Variants in GRIA4 observed in about 807,000 individuals in gnomAD.
GRIA4 encodes the protein glutamate receptor 4.
Under a neutral mutation model 104.0 loss-of-function variants are expected in GRIA4, and 34 were observed. The observed-to-expected ratio is 0.33, with a 90% CI of 0.25 to 0.44. The LOEUF is 0.44. Among genes scored for constraint, GRIA4 ranks in the 20% least tolerant of loss-of-function variants. GRIA4 has a pLI of 1.00. For synonymous variants in GRIA4, 386 were observed against 381.9 expected, an observed-to-expected ratio of 1.01 and a Z score of -0.13; for missense variants, 750 against 1,096.5, an observed-to-expected ratio of 0.68 and a Z score of 4.46.
At position 105,946,058 on chromosome 11, in the gene GRIA4, A is replaced by T. The variant is rs184666094; in HGVS notation, c.2294+12089A>T. ...GTGAGATTTTTAAGGTGCCATAGGA[A>T]AACTGTGGTTAGAAAAATAGGAGGA... On this transcript the variant is annotated intron_variant, in intron 14 of 16. Transcript: ENST00000282499. Among the ~76,000 whole-genome samples the T allele has an allele frequency of 4.7e-3, 715 of 152,286 alleles. 15 individuals are homozygous for T. The highest frequency in any genetic ancestry group is 3.8e-3 in the Non-Finnish European group (261 of 68,024).
intron 3 of GRIA4, among the ~76,000 whole-genome samples, chr11:105,640,603 T>C (rs1951331744): frequency 6.6e-6 from 1 of 151,952 alleles, no homozygotes; most frequent in South Asian, 2.1e-4. Context: ...TAATTCATGT[T>C]TTAAATGTTT....
chr11:105,679,085 G>A (rs967672660), intron 3 of GRIA4, among the ~76,000 whole-genome samples: 3 of 152,130 alleles, frequency 2.0e-5, no homozygotes, highest in South Asian at 2.1e-4. Context: ...CAGTTATAGC[G>A]GAAAACAAGT....
chr11:105,696,267 C>T lies in GRIA4; in HGVS notation c.248-56714C>T, dbSNP rs116781612. ...TGGCTCACACAGTGGCCCAGGTGTG[C>T]CCTTAAAGTAGGACTTCTCAGTCTG... On this transcript the variant is annotated intron_variant, in intron 3 of 16. Transcript: ENST00000282499. 5.8e-3 allele frequency among the ~76,000 whole-genome samples: 885 copies of T among 152,232 alleles called. 14 individuals carry two copies. The highest frequency in any genetic ancestry group is 0.02 in the African/African-American group (827 of 41,522).
At chr11:105,939,784 T>C (rs1410566974) in intron 14 of GRIA4, among the ~76,000 whole-genome samples, 1 of 152,170 alleles carries the variant, frequency 6.6e-6, no homozygotes, top group Admixed American at 6.6e-5. Context: ...AGTGACATAT[T>C]CGCTATTGTT....
intron 9 of GRIA4, among the ~76,000 whole-genome samples, chr11:105,906,305 T>G (rs1947038931): frequency 6.6e-6 from 1 of 152,126 alleles, no homozygotes; most frequent in Admixed American, 6.5e-5. Flanking sequence ...GAAAACATAT[T>G]TTACTCTTAG....
intron 4 of GRIA4, among the ~76,000 whole-genome samples, chr11:105,797,320 G>A (rs1408541268): frequency 6.6e-6 from 1 of 152,154 alleles, no homozygotes; most frequent in African/African-American, 2.4e-5. Context: ...ACAATACAAG[G>A]GTATGGAATT....
intron 10 of GRIA4, chr11:105,913,287 T>C: frequency 7.2e-6 from 4 of 554,594 alleles, no homozygotes; most frequent in Non-Finnish European, 9.2e-6. Flanking sequence ...TAATGTAGTG[T>C]TAGCTTTTAT....
At chr11:105,974,046 T>C (rs1361059272) in intron 15 of GRIA4, among the ~76,000 whole-genome samples, 2 of 152,214 alleles carry the variant, frequency 1.3e-5, no homozygotes, top group East Asian at 3.8e-4. Context: ...TGGTTTTCAT[T>C]GCATATTTAA....
chr11:105,682,477 G>A (rs1042572671), intron 3 of GRIA4, among the ~76,000 whole-genome samples: 1 of 152,150 alleles, frequency 6.6e-6, no homozygotes, highest in Admixed American at 6.5e-5. Flanking sequence ...ATTTTCAAAA[G>A]TGTGATCAAG....
chr11:105,734,997 A>T (rs1938842814), intron 3 of GRIA4, among the ~76,000 whole-genome samples: 1 of 152,198 alleles, frequency 6.6e-6, no homozygotes, highest in African/African-American at 2.4e-5. Flanking sequence ...AAATACTATC[A>T]TATAAAGTTC....
chr11:105,913,540 T>C (rs952651206), intron 10 of GRIA4: 30 of 822,512 alleles, frequency 3.6e-5, no homozygotes, highest in Middle Eastern at 6.1e-4. Context: ...TTAAAAGTAA[T>C]CATTTCTGCA....
chr11:105,933,480 G>A (rs1947943045), intron 13 of GRIA4, among the ~76,000 whole-genome samples: 1 of 151,940 alleles, frequency 6.6e-6, no homozygotes, highest in Non-Finnish European at 1.5e-5. Context: ...TATGGTAAGA[G>A]GTTTGGGCTT....
chr11:105,810,244 T>C (rs1440392595), intron 4 of GRIA4, among the ~76,000 whole-genome samples: 1 of 152,218 alleles, frequency 6.6e-6, no homozygotes, highest in African/African-American at 2.4e-5. Context: ...CCTGCAATAA[T>C]AGCATGACAG....
At chr11:105,792,743 T>C (rs1163564683) in intron 4 of GRIA4, among the ~76,000 whole-genome samples, 2 of 152,164 alleles carry the variant, frequency 1.3e-5, no homozygotes, top group Non-Finnish European at 2.9e-5. Context: ...CTAATTAAAA[T>C]CCTTATCTAA....
intron 11 of GRIA4, among the ~76,000 whole-genome samples, chr11:105,920,018 T>A (rs1947515320): frequency 6.6e-6 from 1 of 152,098 alleles, no homozygotes; most frequent in African/African-American, 2.4e-5. Flanking sequence ...AAGGCAAAAC[T>A]GCCTTCTGAT....
intron 4 of GRIA4, among the ~76,000 whole-genome samples, chr11:105,780,546 T>C (rs924014507): frequency 2.0e-5 from 3 of 152,096 alleles, no homozygotes; most frequent in African/African-American, 4.8e-5. Flanking sequence ...TTTTAGGTAT[T>C]GTATACAAAG....
At chr11:105,850,741 A>G (rs974790414) in intron 4 of GRIA4, among the ~76,000 whole-genome samples, 1 of 152,202 alleles carries the variant, frequency 6.6e-6, no homozygotes, top group Non-Finnish European at 1.5e-5. Flanking sequence ...AGGGGGCTTT[A>G]CGTCCCTGTG....
At chr11:105,878,649 A>G (rs1945928125) in intron 5 of GRIA4, among the ~76,000 whole-genome samples, 1 of 152,210 alleles carries the variant, frequency 6.6e-6, no homozygotes, top group Non-Finnish European at 1.5e-5. Flanking sequence ...GTCTGGCTAC[A>G]GTGGCTTTGC....
intron 3 of GRIA4, among the ~76,000 whole-genome samples, chr11:105,747,520 T>C (rs1205818059): frequency 6.6e-6 from 1 of 152,172 alleles, no homozygotes; most frequent in South Asian, 2.1e-4. Flanking sequence ...TAAATGTCTA[T>C]GTATTATTCA....
Sources: gnomAD v4.1 joint callset for allele counts (sites outside exome capture counted in the v4.1 genomes callset) on GRCh38, gnomAD v4.1.1 for gene constraint, MANE v1.5 for transcripts, NCBI Gene and HGNC (gene_info 2026-07-23, HGNC 2026-07-21) for gene names.